The following PCDHA2 variants were observed in gnomAD, a reference collection of about 807,000 sequenced individuals.
PCDHA2 encodes the protein protocadherin alpha 2.
In PCDHA2, 58 loss-of-function variants were observed where a neutral mutation model predicts 66.0. That is an observed-to-expected ratio of 0.88 (90% CI 0.71 to 1.09). The LOEUF is 1.09. Among genes scored for constraint, PCDHA2 ranks in the 50% least tolerant of loss-of-function variants. The probability of loss-of-function intolerance (pLI) is 0.00; values close to 1 mark genes in which losing one functional copy is unlikely to be tolerated. For synonymous variants in PCDHA2, 634 were observed against 554.0 expected, an observed-to-expected ratio of 1.14 and a Z score of -2.03; for missense variants, 1,267 against 1,242.3, an observed-to-expected ratio of 1.02 and a Z score of -0.30.
At position 140,835,847 on chromosome 5, in the gene PCDHA2, G is replaced by C. The variant is rs140727991; in HGVS notation, c.2388+38495G>C. 590 of 1,612,226 alleles carry C rather than the reference G, an allele frequency of 3.7e-4. 11 individuals are homozygous for C. The highest frequency in any genetic ancestry group is 6.3e-4 in the Admixed American group (38 of 59,986). On this transcript the variant is annotated intron_variant, in intron 1 of 3. Coordinates refer to ENST00000526136, the MANE Select transcript of PCDHA2 (RefSeq NM_018905.3). ...GGGACGCGGACGCGCAGAAGAACGC[G>C]CTGGTGTCCTACTCGCTGGTGGAGC...
intron 1 of PCDHA2, chr5:140,852,303 A>G: frequency 4.8e-6 from 2 of 418,848 alleles, no homozygotes; most frequent in Non-Finnish European, 6.7e-6. Flanking sequence ...TCTGAGACGG[A>G]GTCGTTTTCT....
intron 1 of PCDHA2, chr5:140,829,465 C>G (rs2150168424): frequency 1.2e-6 from 2 of 1,613,822 alleles, no homozygotes; most frequent in Admixed American, 1.7e-5. Flanking sequence ...TCGCGCAGCC[C>G]GAGTACACAG....
At chr5:140,943,380 T>A (rs2093488086) in intron 1 of PCDHA2, among the ~76,000 whole-genome samples, 3 of 151,328 alleles carry the variant, frequency 2.0e-5, no homozygotes, top group Admixed American at 2.0e-4. Context: ...AATATACAGG[T>A]AAGAAATTAT....
intron 1 of PCDHA2, chr5:140,825,526 G>C (rs1372499626): frequency 4.6e-5 from 7 of 151,322 alleles, no homozygotes; most frequent in Non-Finnish European, 8.8e-5. Flanking sequence ...CCAGGTTCAA[G>C]CGATTCTCCT....
intron 1 of PCDHA2, among the ~76,000 whole-genome samples, chr5:140,959,626 AAG>A (rs529579902): frequency 6.2e-4 from 95 of 152,334 alleles, no homozygotes; most frequent in African/African-American, 2.0e-3. Context: ...GATAGAAAAA[AAG>A]AGAGAAAAAA....
chr5:140,915,626 GTC>G (rs57920489), intron 1 of PCDHA2, among the ~76,000 whole-genome samples: 12,146 of 145,794 alleles, frequency 0.083, 491 homozygotes, highest in Middle Eastern at 0.12. Context: ...GTCTCTTTCT[GTC>G]TCTCTCTCTC....
chr5:140,869,504 C>A (rs959374162), intron 1 of PCDHA2: 5 of 1,614,200 alleles, frequency 3.1e-6, no homozygotes, highest in Non-Finnish European at 4.2e-6. Flanking sequence ...CCGGTGTTCT[C>A]GCTCAGAGAA....
chr5:140,993,460 TCTCA>T (rs200310897), intron 3 of PCDHA2, among the ~76,000 whole-genome samples: 2,027 of 104,544 alleles, frequency 0.019, 23 homozygotes, highest in Admixed American at 0.035. Flanking sequence ...CTTCTTTCTT[TCTCA>T]CACACACACA....
intron 1 of PCDHA2, chr5:140,816,144 A>G (rs1293807593): frequency 6.6e-6 from 1 of 152,180 alleles, no homozygotes; most frequent in Non-Finnish European, 1.5e-5. Flanking sequence ...TGAGTAGAGC[A>G]GCCTGCTCGA....
intron 1 of PCDHA2, among the ~76,000 whole-genome samples, chr5:140,964,195 T>C (rs2095816434): frequency 6.6e-6 from 1 of 152,216 alleles, no homozygotes; most frequent in South Asian, 2.1e-4. Context: ...AAATAGAGTA[T>C]ACCATCTCTT....
intron 1 of PCDHA2, chr5:140,966,588 G>A: frequency 3.6e-6 from 2 of 558,362 alleles, no homozygotes; most frequent in Non-Finnish European, 5.7e-6. Flanking sequence ...GAGGACGGTG[G>A]GGCCAGGAGC....
chr5:140,843,586 G>T lies in PCDHA2; in HGVS notation c.2388+46234G>T, dbSNP rs2150363126. The T allele has an allele frequency of 4.4e-6, 7 of 1,596,012 alleles. 1 individual carries two copies. Among genetic ancestry groups the T allele is most frequent in the African/African-American group, 1.3e-5 (1 of 74,542 alleles). Reference sequence around the variant, plus strand: ...GCTGGTCATACTCGCAACAACAGCCGCAGAGGGTGTGCTCTGGTGAGGGGC... The same window carrying T: ...GCTGGTCATACTCGCAACAACAGCCTCAGAGGGTGTGCTCTGGTGAGGGGC... On this transcript the variant is annotated intron_variant, in intron 1 of 3. Coordinates refer to ENST00000526136, the MANE Select transcript of PCDHA2 (RefSeq NM_018905.3).
chr5:140,952,406 T>G (rs2094740405), intron 1 of PCDHA2, among the ~76,000 whole-genome samples: 1 of 151,900 alleles, frequency 6.6e-6, no homozygotes, highest in Admixed American at 6.6e-5. Flanking sequence ...ATTCTCAAAT[T>G]TAATGTTCCG....
At chr5:140,996,098 A>G (rs1173929406) in intron 3 of PCDHA2, among the ~76,000 whole-genome samples, 1 of 152,214 alleles carries the variant, frequency 6.6e-6, no homozygotes, top group Non-Finnish European at 1.5e-5. Context: ...ATTACATGGA[A>G]TGGTATGGAA....
intron 1 of PCDHA2, chr5:140,926,925 G>C (rs1554203816): frequency 6.4e-7 from 1 of 1,574,118 alleles, no homozygotes; most frequent in South Asian, 1.2e-5. Context: ...TTTTATGTTT[G>C]TGGGTTTCCT....
At chr5:140,976,298 C>A (rs2096709941) in intron 1 of PCDHA2, among the ~76,000 whole-genome samples, 1 of 152,036 alleles carries the variant, frequency 6.6e-6, no homozygotes, top group African/African-American at 2.4e-5. Context: ...AGCCTGTAAT[C>A]CCAGCACTTT....
chr5:140,870,443 T>G (rs1207012137), intron 1 of PCDHA2: 1 of 1,614,094 alleles, frequency 6.2e-7, no homozygotes, highest in Non-Finnish European at 8.5e-7. Flanking sequence ...GTGGCCGACG[T>G]GAACGACAAT....
At chr5:140,910,523 T>TC (rs2153515069) in intron 1 of PCDHA2, among the ~76,000 whole-genome samples, 1 of 152,338 alleles carries the variant, frequency 6.6e-6, no homozygotes, top group African/African-American at 2.4e-5. Flanking sequence ...ATGCAGGTAC[T>TC]CCCCTCACAA....
rs1554263795 is a variant in PCDHA2 at position 141,012,061 on chromosome 5, C to T, written c.*2124C>T. 1 of 153,730 alleles carries T rather than the reference C, an allele frequency of 6.5e-6. No homozygotes were observed. The highest frequency in any genetic ancestry group is 1.9e-4 in the East Asian group (1 of 5,194). The allele number at this position is 153,730 out of a possible 1,614,324, so 9.5% of individuals were successfully genotyped here. A position where few individuals can be genotyped will look rare whatever the true frequency, so the allele number is the denominator to read the frequency against. The stretch of plus-strand genomic sequence containing the variant: ...CATGGGGTAAAACTTGTTACCAACA[C>T]ATGTGAACCATTGCTACATTGTAGG... On this transcript the variant is annotated 3_prime_UTR_variant, in exon 4 of 4. Coordinates refer to ENST00000526136, the MANE Select transcript of PCDHA2 (RefSeq NM_018905.3).
Sources: gnomAD v4.1 joint callset for allele counts (sites outside exome capture counted in the v4.1 genomes callset) on GRCh38, gnomAD v4.1.1 for gene constraint, MANE v1.5 for transcripts, NCBI Gene and HGNC (gene_info 2026-07-23, HGNC 2026-07-21) for gene names.